Variants in KAT6B observed in about 807,000 individuals in gnomAD.
The protein encoded by KAT6B is histone acetyltransferase KAT6B.
A neutral mutation model predicts 187.5 loss-of-function variants in KAT6B; 10 were observed. The ratio of observed to expected loss-of-function variants is 0.05; its 90% CI spans 0.03 to 0.09. KAT6B has a LOEUF of 0.09. Ranked by LOEUF, KAT6B falls within the 10% of genes least tolerant of loss-of-function variation. The pLI, the probability that KAT6B is intolerant of heterozygous loss-of-function variation, is 1.00. For missense variants in KAT6B, 1,952 were observed against 2,558.9 expected, an observed-to-expected ratio of 0.76 and a Z score of 5.12; for synonymous variants, 861 against 926.8, an observed-to-expected ratio of 0.93 and a Z score of 1.29.
intron 13 of KAT6B, among the ~76,000 whole-genome samples, chr10:74,989,973 G>T (rs757081908): frequency 6.6e-6 from 1 of 151,806 alleles, no homozygotes; most frequent in African/African-American, 2.4e-5. Context: ...AAGGCAGGTG[G>T]GTCACAAGAT....
At chr10:74,950,967 T>A (rs919369842) in intron 3 of KAT6B, among the ~76,000 whole-genome samples, 19 of 151,800 alleles carry the variant, frequency 1.3e-4, no homozygotes, top group Admixed American at 2.0e-4. Context: ...AAAAAAAAAA[T>A]TAGCCAGTCT....
chr10:74,984,490 A>G (rs1385804435), intron 11 of KAT6B: 2 of 154,674 alleles, frequency 1.3e-5, no homozygotes, highest in Non-Finnish European at 2.9e-5. Context: ...TGCTTATTGT[A>G]GGTTGAAATT....
At chr10:74,912,788 A>G (rs1364865691) in intron 3 of KAT6B, among the ~76,000 whole-genome samples, 1 of 152,204 alleles carries the variant, frequency 6.6e-6, no homozygotes, top group Non-Finnish European at 1.5e-5. Flanking sequence ...TTGCCTAACT[A>G]TAGTCAAGCT....
Position 75,020,686 on chromosome 10 carries a change from G to A in KAT6B, c.2734G>A (p.Glu912Lys), listed in dbSNP as rs375276786. Residue 912 changes from glutamate to lysine, a missense_variant, in exon 14 of 18, where the codon GAG (glutamate) becomes AAG (lysine). By Grantham distance (56) the Glu-to-Lys change is moderately conservative. Coordinates refer to ENST00000287239, the MANE Select transcript of KAT6B (RefSeq NM_012330.4). ...YLAYWKSVILEYLYHHHERHI... is the reference protein window; with the variant it reads ...YLAYWKSVILKYLYHHHERHI... ...GGCATATTGGAAGAGCGTCATCTTGGAGTATCTCTACCACCACCATGAGAG... is the reference window on the plus strand; with the variant it reads ...GGCATATTGGAAGAGCGTCATCTTGAAGTATCTCTACCACCACCATGAGAG... 10 of 1,614,062 alleles carry A rather than the reference G, an allele frequency of 6.2e-6. No homozygotes were observed. The highest frequency in any genetic ancestry group is 8.5e-6 in the Non-Finnish European group (10 of 1,180,024).
intron 13 of KAT6B, among the ~76,000 whole-genome samples, chr10:74,993,842 G>A (rs1230958545): frequency 6.6e-6 from 1 of 152,012 alleles, no homozygotes; most frequent in East Asian, 1.9e-4. Context: ...ACATTTTTTG[G>A]CAGGAATACC....
rs530391960 is a variant in KAT6B, at chr10:74,868,290, G to A, written c.621+24812G>A. Among the ~76,000 whole-genome samples the A allele has an allele frequency of 3.3e-5, 5 of 152,160 alleles. No homozygotes were observed. The South Asian group carries it at 1.0e-3, about 32-fold the overall frequency. ...TCCCTGTCTTGCCCAGGCTCGTCTT[G>A]AACTCCTGAGCTCAAGCAATCCTCC... On this transcript the variant is annotated intron_variant, in intron 3 of 17. Coordinates refer to ENST00000287239, the MANE Select transcript of KAT6B (RefSeq NM_012330.4).
intron 13 of KAT6B, chr10:75,003,073 T>TA (rs1843960777): frequency 6.6e-6 from 1 of 152,254 alleles, no homozygotes; most frequent in Admixed American, 6.5e-5. Flanking sequence ...TGATGCTAGG[T>TA]ATGCCCTGTC....
At chr10:74,940,169 A>G (rs1849558099) in intron 3 of KAT6B, among the ~76,000 whole-genome samples, 1 of 152,110 alleles carries the variant, frequency 6.6e-6, no homozygotes, top group Non-Finnish European at 1.5e-5. Flanking sequence ...ACTGTGTGGA[A>G]TTTTTTAAGA....
intron 3 of KAT6B, among the ~76,000 whole-genome samples, chr10:74,937,657 C>T (rs1040989916): frequency 6.6e-6 from 1 of 152,132 alleles, no homozygotes; most frequent in African/African-American, 2.4e-5. Context: ...AGCCTGACTA[C>T]CCTGGGAAAG....
intron 3 of KAT6B, among the ~76,000 whole-genome samples, chr10:74,890,378 C>T (rs1300958733): frequency 6.6e-6 from 1 of 152,110 alleles, no homozygotes; most frequent in Non-Finnish European, 1.5e-5. Flanking sequence ...GTGGCTCACA[C>T]TTGTAATCCC....
At chr10:74,868,078 T>C (rs1843675713) in intron 3 of KAT6B, among the ~76,000 whole-genome samples, 1 of 152,256 alleles carries the variant, frequency 6.6e-6, no homozygotes, top group African/African-American at 2.4e-5. Flanking sequence ...CATGGTCTTA[T>C]GTTTGAAGAT....
rs978317460 is a variant in KAT6B at position 74,837,805 on chromosome 10, A to G, written c.-328-878A>G. 2.0e-5 allele frequency among the ~76,000 whole-genome samples: 3 copies of G among 152,008 alleles called. No homozygotes were observed. In the East Asian group the frequency reaches 5.8e-4, roughly 29 times the overall value. On this transcript the variant is annotated intron_variant, in intron 1 of 17. Coordinates refer to ENST00000287239, the MANE Select transcript of KAT6B (RefSeq NM_012330.4). ...ACATGTGTTTAGTTGAGAATTGGCTACAGATAAGAGACTTCTGATTTTGTT... is the reference window on the plus strand; with the variant it reads ...ACATGTGTTTAGTTGAGAATTGGCTGCAGATAAGAGACTTCTGATTTTGTT...
At chr10:74,964,217 A>G (rs1349358066) in intron 4 of KAT6B, among the ~76,000 whole-genome samples, 1 of 152,230 alleles carries the variant, frequency 6.6e-6, no homozygotes, top group Non-Finnish European at 1.5e-5. Flanking sequence ...AGCCCAAAGC[A>G]TGATTGACCA....
At chr10:74,925,034 G>T (rs998534052) in intron 3 of KAT6B, among the ~76,000 whole-genome samples, 1 of 152,042 alleles carries the variant, frequency 6.6e-6, no homozygotes, top group African/African-American at 2.4e-5. Context: ...AAACCAAAAT[G>T]TAAATTTACT....
rs555280405 is a variant in KAT6B at position 75,022,105 on chromosome 10, AGAG to A, written c.3252_3254del (p.Glu1089del). On this transcript the variant is annotated inframe_deletion, in exon 16 of 18. Transcript: ENST00000287239. Reference sequence around the variant, plus strand: ...AGGAGGAGGACGAGGAGGAGGAAGAAGAGGAGGAAGAAGAGGAAGAGGATGAAG... The same window carrying A: ...AGGAGGAGGACGAGGAGGAGGAAGAAGAGGAAGAAGAGGAAGAGGATGAAG... 3.9e-4 allele frequency: 619 copies of A among 1,582,996 alleles called. 1 individual carries two copies. The highest frequency in any genetic ancestry group is 3.3e-3 in the African/African-American group (246 of 74,240).
In KAT6B at chr10:74,951,333, T is replaced by C. The variant is rs201446141; in HGVS notation, c.622-8637T>C. ...TTTAAGTAGAGACGGGGTTTCACCATGTTGGCCAGGCTGGTCTAGAACTCT... is the reference window on the plus strand; with the variant it reads ...TTTAAGTAGAGACGGGGTTTCACCACGTTGGCCAGGCTGGTCTAGAACTCT... On this transcript the variant is annotated intron_variant, in intron 3 of 17. Coordinates refer to ENST00000287239, the MANE Select transcript of KAT6B (RefSeq NM_012330.4). Among the ~76,000 whole-genome samples, 7 of 152,192 alleles carry C rather than the reference T, an allele frequency of 4.6e-5. No individual in the cohort carries two copies. The East Asian group carries it at 1.4e-3, about 29-fold the overall frequency.
At chr10:74,992,380 C>T (rs1216819669) in intron 13 of KAT6B, among the ~76,000 whole-genome samples, 1 of 152,176 alleles carries the variant, frequency 6.6e-6, no homozygotes, top group Non-Finnish European at 1.5e-5. Context: ...ATTAAAAATA[C>T]ATTTAATACA....
chr10:74,895,133 A>G (rs1427608555), intron 3 of KAT6B, among the ~76,000 whole-genome samples: 3 of 151,766 alleles, frequency 2.0e-5, no homozygotes, highest in Non-Finnish European at 2.9e-5. Context: ...CATTTCTCTA[A>G]TGATTAGTGA....
chr10:75,008,583 A>T (rs1844381600), intron 13 of KAT6B, among the ~76,000 whole-genome samples: 1 of 152,226 alleles, frequency 6.6e-6, no homozygotes, highest in Non-Finnish European at 1.5e-5. Context: ...AGTTAAGGAC[A>T]TTAATAAGAT....
Sources: gnomAD v4.1 joint callset for allele counts (sites outside exome capture counted in the v4.1 genomes callset) on GRCh38, gnomAD v4.1.1 for gene constraint, MANE v1.5 for transcripts, NCBI Gene and HGNC (gene_info 2026-07-23, HGNC 2026-07-21) for gene names.